Variants in B3GALT1 observed in about 807,000 individuals in gnomAD.
B3GALT1 encodes the protein UDP-Gal:betaGlcNAc beta 1,3-galactosyltransferase, polypeptide 1.
B3GALT1 carries 10 observed loss-of-function variants against 23.2 expected under a neutral mutation model. The observed-to-expected ratio is 0.43, with a 90% CI of 0.27 to 0.73. The LOEUF is 0.73. Among genes scored for constraint, B3GALT1 ranks in the 30% least tolerant of loss-of-function variants. The pLI is 0.21. For missense variants in B3GALT1, 299 were observed against 405.4 expected, an observed-to-expected ratio of 0.74 and a Z score of 2.25; for synonymous variants, 156 against 141.5, an observed-to-expected ratio of 1.10 and a Z score of -0.73.
chr2:167,727,905 A>G (rs1299749831), intron 3 of B3GALT1, among the ~76,000 whole-genome samples: 2 of 137,004 alleles, frequency 1.5e-5, no homozygotes. Context: ...AAAGTCAGCT[A>G]GAAGCTTTTG....
At chr2:167,610,309 A>G (rs1253237134) in intron 2 of B3GALT1, among the ~76,000 whole-genome samples, 2 of 152,136 alleles carry the variant, frequency 1.3e-5, no homozygotes, top group Non-Finnish European at 2.9e-5. Context: ...CGTGCTTAAA[A>G]TCAATGGCCT....
At chr2:167,423,255 G>C (rs1698574627) in intron 1 of B3GALT1, among the ~76,000 whole-genome samples, 1 of 152,132 alleles carries the variant, frequency 6.6e-6, no homozygotes, top group African/African-American at 2.4e-5. Flanking sequence ...ATCCATATGG[G>C]GGTACTGAGC....
At chr2:167,488,162 T>C (rs1052567605) in intron 1 of B3GALT1, among the ~76,000 whole-genome samples, 2 of 152,222 alleles carry the variant, frequency 1.3e-5, no homozygotes, top group African/African-American at 4.8e-5. Flanking sequence ...TTTGTTTTGC[T>C]TTGGTCTAAG....
chr2:167,498,051 T>C (rs1336490158), intron 2 of B3GALT1, among the ~76,000 whole-genome samples: 1 of 152,200 alleles, frequency 6.6e-6, no homozygotes, highest in Admixed American at 6.5e-5. Flanking sequence ...TGTATGCAAC[T>C]TCTGTTCCGT....
rs180906143 is a variant in B3GALT1 at position 167,836,196 on chromosome 2, T to C, written c.-230+17403T>C. Among the ~76,000 whole-genome samples the C allele has an allele frequency of 3.0e-3, 463 of 152,204 alleles. 8 individuals carry two copies. Among genetic ancestry groups the C allele is most frequent in the African/African-American group, 0.011 (438 of 41,524 alleles). ...CTGGACGGAGAACGACTTTGACAAG[T>C]TGAGAGAAGAAGGCTTCAGACGATC... is the stretch of plus-strand genomic sequence containing the variant. On this transcript the variant is annotated intron_variant, in intron 4 of 4. Transcript: ENST00000392690.
chr2:167,495,398 A>G (rs1237211438), intron 2 of B3GALT1, among the ~76,000 whole-genome samples: 1 of 146,114 alleles, frequency 6.8e-6, no homozygotes, highest in Admixed American at 6.9e-5. Flanking sequence ...CAATGTCACA[A>G]TCTCAGCTCA....
chr2:167,534,656 A>G (rs993937654), intron 2 of B3GALT1, among the ~76,000 whole-genome samples: 3 of 152,226 alleles, frequency 2.0e-5, no homozygotes, highest in Non-Finnish European at 4.4e-5. Context: ...ATAAGCTACC[A>G]TAAGAACCTT....
At chr2:167,804,347 T>C (rs1352986978) in intron 3 of B3GALT1, among the ~76,000 whole-genome samples, 6 of 152,008 alleles carry the variant, frequency 3.9e-5, no homozygotes, top group Non-Finnish European at 2.9e-5. Context: ...ATTATTATAC[T>C]TTAAGTTTTA....
chr2:167,637,226 A>G (rs2105452254), intron 2 of B3GALT1, among the ~76,000 whole-genome samples: 1 of 152,094 alleles, frequency 6.6e-6, no homozygotes, highest in Non-Finnish European at 1.5e-5. Flanking sequence ...CTTAAGTGAA[A>G]TAGAAGGGCT....
At chr2:167,533,288 C>T (rs959080818) in intron 2 of B3GALT1, among the ~76,000 whole-genome samples, 3 of 151,992 alleles carry the variant, frequency 2.0e-5, no homozygotes, top group Non-Finnish European at 4.4e-5. Context: ...CATTACGTTA[C>T]CTGTAGGTTT....
At chr2:167,820,227 ATAAAT>A (rs1689077777) in intron 4 of B3GALT1, among the ~76,000 whole-genome samples, 1 of 152,250 alleles carries the variant, frequency 6.6e-6, no homozygotes, top group South Asian at 2.1e-4. Flanking sequence ...CAGAAAATAA[ATAAAT>A]AATACAATTA....
At chr2:167,319,954 T>C (rs1469906386) in intron 1 of B3GALT1, among the ~76,000 whole-genome samples, 2 of 152,042 alleles carry the variant, frequency 1.3e-5, no homozygotes, top group African/African-American at 4.8e-5. Context: ...AGTGACTTAG[T>C]TATTACTTAC....
At chr2:167,546,715 T>G (rs1574129745) in intron 2 of B3GALT1, among the ~76,000 whole-genome samples, 1 of 152,212 alleles carries the variant, frequency 6.6e-6, no homozygotes. Context: ...TTCTGCTTAA[T>G]GTGGAAGAAC....
At chr2:167,327,207 T>C (rs954198332) in intron 1 of B3GALT1, among the ~76,000 whole-genome samples, 1 of 152,134 alleles carries the variant, frequency 6.6e-6, no homozygotes, top group African/African-American at 2.4e-5. Context: ...TTCTTTTTGC[T>C]CAAGACTGCT....
intron 3 of B3GALT1, among the ~76,000 whole-genome samples, chr2:167,729,038 T>C (rs761367727): frequency 1.2e-4 from 19 of 152,210 alleles, no homozygotes; most frequent in Non-Finnish European, 2.4e-4. Flanking sequence ...CATGATCACC[T>C]TACACATATA....
At chr2:167,422,315 C>T (rs1698560267) in intron 1 of B3GALT1, among the ~76,000 whole-genome samples, 1 of 151,994 alleles carries the variant, frequency 6.6e-6, no homozygotes, top group Admixed American at 6.6e-5. Flanking sequence ...AGAACAGAGC[C>T]CTCACTTGGG....
chr2:167,527,596 A>G (rs978162408), intron 2 of B3GALT1, among the ~76,000 whole-genome samples: 15 of 152,188 alleles, frequency 9.9e-5, no homozygotes, highest in African/African-American at 3.1e-4. Flanking sequence ...ACCATAAATA[A>G]TAAAACTTTA....
At chr2:167,435,748 A>G (rs959065645) in intron 1 of B3GALT1, among the ~76,000 whole-genome samples, 2 of 152,142 alleles carry the variant, frequency 1.3e-5, no homozygotes, top group Non-Finnish European at 2.9e-5. Flanking sequence ...GTTTAGTTTC[A>G]TTGTGATTAA....
chr2:167,669,389 G>C (rs1686279404), intron 3 of B3GALT1, among the ~76,000 whole-genome samples: 1 of 152,176 alleles, frequency 6.6e-6, no homozygotes, highest in African/African-American at 2.4e-5. Flanking sequence ...AGAGTTTCAA[G>C]TTATATTGAA....
Sources: gnomAD v4.1 joint callset for allele counts (sites outside exome capture counted in the v4.1 genomes callset) on GRCh38, gnomAD v4.1.1 for gene constraint, MANE v1.5 for transcripts, NCBI Gene and HGNC (gene_info 2026-07-23, HGNC 2026-07-21) for gene names.